Variants in PTGR1 observed in about 807,000 individuals in gnomAD.
The protein encoded by PTGR1 is prostaglandin reductase 1, also known as 15-oxoprostaglandin 13-reductase.
In PTGR1, 23 loss-of-function variants were observed where a neutral mutation model predicts 37.7. The observed-to-expected ratio is 0.61, with a 90% CI of 0.44 to 0.86. The LOEUF (loss-of-function observed/expected upper bound fraction) is 0.86, where lower values mean the gene tolerates loss of function less well. Among genes scored for constraint, PTGR1 ranks in the 40% least tolerant of loss-of-function variants. The pLI, the probability that PTGR1 is intolerant of heterozygous loss-of-function variation, is 0.00. For synonymous variants in PTGR1, 134 were observed against 140.0 expected (o/e 0.96, Z 0.30); for missense variants, 351 against 394.3 (o/e 0.89, Z 0.93).
chr9:111,561,018 G>GAGA, downstream of PTGR1, among the ~76,000 whole-genome samples: 4 of 70,886 alleles, frequency 5.6e-5, no homozygotes, highest in African/African-American at 2.0e-4. Context: ...GAGAGAGAGA[G>GAGA]GTGGCAGTGA....
At chr9:111,586,803 C>CTATATA (rs1170334255) in intron 4 of PTGR1, among the ~76,000 whole-genome samples, 30 of 143,750 alleles carry the variant, frequency 2.1e-4, no homozygotes, top group Admixed American at 4.2e-4. Context: ...CTCTCTCTCT[C>CTATATA]TATATATATA....
chr9:111,572,760 A>T (rs933155511), intron 8 of PTGR1, among the ~76,000 whole-genome samples: 1 of 120,126 alleles, frequency 8.3e-6, no homozygotes, highest in Non-Finnish European at 1.9e-5. Context: ...CTGTCTCAAA[A>T]AAAAAAAAAA....
chr9:111,572,595 A>C (rs1192093914), intron 8 of PTGR1, among the ~76,000 whole-genome samples: 2 of 151,646 alleles, frequency 1.3e-5, no homozygotes, highest in South Asian at 2.1e-4. Flanking sequence ...GTCTCAAAAC[A>C]AAACAAAAAA....
At chr9:111,568,605 C>T (rs1457700391) in intron 9 of PTGR1, among the ~76,000 whole-genome samples, 1 of 152,180 alleles carries the variant, frequency 6.6e-6, no homozygotes, top group East Asian at 1.9e-4. Flanking sequence ...TTGTGACCTA[C>T]TCCCTGTTCG....
At chr9:111,591,523 C>A (rs1364220881) in intron 4 of PTGR1, among the ~76,000 whole-genome samples, 1 of 151,552 alleles carries the variant, frequency 6.6e-6, no homozygotes, top group Non-Finnish European at 1.5e-5. Context: ...GCATGCACTA[C>A]CACACCCAGT....
intron 4 of PTGR1, 125 bp downstream of exon 4, chr9:111,592,801 A>C: frequency 7.8e-7 from 1 of 1,284,208 alleles, no homozygotes; most frequent in Non-Finnish European, 1.0e-6. Context: ...GTTGATTCCA[A>C]GATCACACAG....
chr9:111,576,317 T>C (rs1477558724), intron 7 of PTGR1: 5 of 1,606,246 alleles, frequency 3.1e-6, no homozygotes, highest in Non-Finnish European at 4.3e-6. Flanking sequence ...AAAATTTTAT[T>C]TGTAACCTCA....
At chr9:111,585,705 G>T (rs1330550301) in intron 5 of PTGR1, among the ~76,000 whole-genome samples, 1 of 152,072 alleles carries the variant, frequency 6.6e-6, no homozygotes, top group Admixed American at 6.6e-5. Flanking sequence ...TTCTGTGCCT[G>T]GCTTATTTCA....
chr9:111,558,324 T>C (rs1828182836), downstream of PTGR1, among the ~76,000 whole-genome samples: 1 of 152,218 alleles, frequency 6.6e-6, no homozygotes, highest in Non-Finnish European at 1.5e-5. Context: ...CCCTTTCAAA[T>C]TGGCTGTGTT....
chr9:111,582,243 G>A (rs1028783088), intron 6 of PTGR1, among the ~76,000 whole-genome samples: 1 of 152,130 alleles, frequency 6.6e-6, no homozygotes, highest in African/African-American at 2.4e-5. Context: ...AATGCAAATA[G>A]CTGCATTTTA....
intron 3 of PTGR1, among the ~76,000 whole-genome samples, chr9:111,593,965 G>A (rs1455671160): frequency 8.4e-6 from 1 of 119,712 alleles, no homozygotes; most frequent in Non-Finnish European, 1.7e-5. Flanking sequence ...AAGTAATTCT[G>A]TTGAGCAGTG....
chr9:111,599,170 G>T (rs1829866394), intron 1 of PTGR1, among the ~76,000 whole-genome samples: 1 of 152,094 alleles, frequency 6.6e-6, no homozygotes, highest in Non-Finnish European at 1.5e-5. Flanking sequence ...GCCTGGCGCG[G>T]CGCCCGGCCT....
intron 9 of PTGR1, among the ~76,000 whole-genome samples, chr9:111,557,248 C>T (rs1330560938): frequency 1.3e-5 from 2 of 151,872 alleles, no homozygotes; most frequent in Admixed American, 1.3e-4. Context: ...ATGGCATGCA[C>T]CTGTAATCCC....
At chr9:111,579,275 T>G (rs144244182) in intron 6 of PTGR1, among the ~76,000 whole-genome samples, 184 of 152,242 alleles carry the variant, frequency 1.2e-3, no homozygotes, top group African/African-American at 4.4e-3. Flanking sequence ...TTCCTTGCAA[T>G]GCAGTGTATG....
chr9:111,557,046 G>T (rs569503029), intron 9 of PTGR1, among the ~76,000 whole-genome samples: 2 of 152,174 alleles, frequency 1.3e-5, no homozygotes, highest in Admixed American at 1.3e-4. Flanking sequence ...AAGGGCTGCC[G>T]CGAAGATCTC....
downstream of PTGR1, among the ~76,000 whole-genome samples, chr9:111,560,974 T>TATAGAGAG (rs1564607823): frequency 3.2e-4 from 3 of 9,334 alleles, no homozygotes; most frequent in African/African-American, 1.5e-3. Context: ...TATATATATA[T>TATAGAGAG]AGAGAGAGAG....
rs764939473 is a variant in PTGR1, at chr9:111,592,912, A to G, written c.209+14T>C. 1.9e-6 allele frequency: 3 copies of G among 1,596,024 alleles called. No homozygotes were observed. Among genetic ancestry groups the G allele is most frequent in the Non-Finnish European group, 2.6e-6 (3 of 1,170,666 alleles). ...ACATATTTTCCAAGCACTGGGACAA[A>G]TGGAAATAATTACTTGGCCACTTGC... On this transcript the variant is annotated intron_variant, in intron 4 of 9. Transcript: ENST00000407693.
chr9:111,557,632 T>G (rs1828164140), downstream of PTGR1, among the ~76,000 whole-genome samples: 1 of 151,902 alleles, frequency 6.6e-6, no homozygotes, highest in Non-Finnish European at 1.5e-5. Context: ...GGTTTCACTG[T>G]GTTGGACAGG....
At chr9:111,575,425 T>C (rs1372257036) in intron 7 of PTGR1, 1 of 152,280 alleles carries the variant, frequency 6.6e-6, no homozygotes, top group Non-Finnish European at 1.5e-5. Flanking sequence ...AACCTCATTG[T>C]CTTATAATTT....
Sources: allele counts gnomAD v4.1 joint callset (sites outside exome capture counted in the v4.1 genomes callset), GRCh38; gene constraint gnomAD v4.1.1; transcripts MANE v1.5; gene names NCBI Gene and HGNC (gene_info 2026-07-23, HGNC 2026-07-21).